Variants in ABLIM2 observed in about 807,000 individuals in gnomAD.
The protein encoded by ABLIM2 is actin-binding LIM protein 2.
In ABLIM2, 53 loss-of-function variants were observed where a neutral mutation model predicts 97.7. That is an observed-to-expected ratio of 0.54 (90% CI 0.44 to 0.68). ABLIM2 has a LOEUF of 0.68. ABLIM2 is among the 30% of genes least tolerant of loss of function. ABLIM2 has a pLI of 0.00. For synonymous variants in ABLIM2, 361 were observed against 345.8 expected (o/e 1.04, Z -0.49); for missense variants, 835 against 867.2 (o/e 0.96, Z 0.47).
At chr4:8,079,731 T>G (rs1437555199) in intron 5 of ABLIM2, among the ~76,000 whole-genome samples, 3 of 152,132 alleles carry the variant, frequency 2.0e-5, no homozygotes, top group African/African-American at 7.3e-5. Flanking sequence ...GTGTGACATG[T>G]GCTCGAATGT....
rs1349937290 is a variant in ABLIM2, at chr4:8,033,089, A to G, written c.1047+3060T>C. On this transcript the variant is annotated intron_variant, in intron 10 of 20. Coordinates refer to ENST00000447017, the MANE Select transcript of ABLIM2 (RefSeq NM_001130083.2). This position sits in a 1 kb window ranked among gnomAD's most constrained non-coding sequence, Gnocchi z 4.5. ...GAGAGAAAAGGTGCTCAGCAGAGAC[A>G]GAGGGTGACCAGAAGCCTTTGGGTT... Among the ~76,000 whole-genome samples, 1 of 152,228 alleles carries G rather than the reference A, an allele frequency of 6.6e-6. No individual in the cohort carries two copies. The highest frequency in any genetic ancestry group is 1.5e-5 in the Non-Finnish European group (1 of 68,036).
At chr4:8,139,110 T>A (rs568933652) in intron 1 of ABLIM2, among the ~76,000 whole-genome samples, 6 of 152,052 alleles carry the variant, frequency 3.9e-5, no homozygotes, top group African/African-American at 1.4e-4. Flanking sequence ...GGCAGGAGAA[T>A]TGCTTGAACC....
rs1441647315 is a variant in ABLIM2, at chr4:8,023,569, G to A, written c.1268-3266C>T. ...TGACCGGGTCATGCTCGTCAGCCATGGTGGCCTGCTCCACGGTGGACTTGC... is the reference window on the plus strand; with the variant it reads ...TGACCGGGTCATGCTCGTCAGCCATAGTGGCCTGCTCCACGGTGGACTTGC... On this transcript the variant is annotated intron_variant, in intron 12 of 20. Coordinates refer to ENST00000447017, the MANE Select transcript of ABLIM2 (RefSeq NM_001130083.2). This position sits in a 1 kb window ranked among gnomAD's most constrained non-coding sequence, Gnocchi z 5.7. 6.6e-6 allele frequency among the ~76,000 whole-genome samples: 1 copy of A among 152,178 alleles called. No individual in the cohort carries two copies. The highest frequency in any genetic ancestry group is 1.5e-5 in the Non-Finnish European group (1 of 68,034).
At chr4:8,131,759 CT>C (rs1230914683) in intron 1 of ABLIM2, among the ~76,000 whole-genome samples, 1,354 of 71,348 alleles carry the variant, frequency 0.019, no homozygotes, top group African/African-American at 0.024. Context: ...GCCCGCATCC[CT>C]GAGCACAGCA....
chr4:8,094,784 C>T (rs1049642804), intron 3 of ABLIM2, among the ~76,000 whole-genome samples: 2 of 152,196 alleles, frequency 1.3e-5, no homozygotes, highest in African/African-American at 4.8e-5. Context: ...GACTTTTCTT[C>T]TGGCTTTGGG....
At chr4:7,995,926 C>T (rs1375479484) in intron 16 of ABLIM2, among the ~76,000 whole-genome samples, 2 of 152,116 alleles carry the variant, frequency 1.3e-5, no homozygotes, top group African/African-American at 2.4e-5. Context: ...GGCCCCGAGA[C>T]GTGCAGGAAC....
rs71175445 is a variant in ABLIM2, at chr4:7,989,072, C to CTTTTTT, written c.1680+3788_1680+3793dup. 1.7e-3 allele frequency among the ~76,000 whole-genome samples: 139 copies of CTTTTTT among 81,338 alleles called. 1 individual carries two copies. Among genetic ancestry groups the CTTTTTT allele is most frequent in the Non-Finnish European group, 2.1e-3 (93 of 44,714 alleles). The allele number at this position is 81,338 out of a possible 152,430, so 53.4% of individuals were successfully genotyped here. ...TTTTTTGTTCACTAGACACATTAGT[C>CTTTTTT]TTTTTTTTTTTTTTTTTTTTTTTGA... On this transcript the variant is annotated intron_variant, in intron 17 of 20. Coordinates refer to ENST00000447017, the MANE Select transcript of ABLIM2 (RefSeq NM_001130083.2).
In ABLIM2 at chr4:8,033,749, CA is replaced by C. The variant is rs1782479880; in HGVS notation, c.1047+2399del. Among the ~76,000 whole-genome samples, 1 of 152,222 alleles carries C rather than the reference CA, an allele frequency of 6.6e-6. No individual in the cohort carries two copies. The highest frequency in any genetic ancestry group is 2.4e-5 in the African/African-American group (1 of 41,454). ...CATCCATGGTTCACAGATGTCCTGC[CA>C]TTTGAGAGGCGCAGCCCCAGAGAGG... is the stretch of plus-strand genomic sequence containing the variant. On this transcript the variant is annotated intron_variant, in intron 10 of 20. Coordinates refer to ENST00000447017, the MANE Select transcript of ABLIM2 (RefSeq NM_001130083.2). The surrounding 1 kb of genome is among the most constrained non-coding windows in gnomAD (Gnocchi z 4.5).
At chr4:8,036,846 AAC>A (rs1350376312) in intron 9 of ABLIM2, among the ~76,000 whole-genome samples, 2 of 151,298 alleles carry the variant, frequency 1.3e-5, no homozygotes, top group South Asian at 2.1e-4. Flanking sequence ...CACACATGCA[AAC>A]ACACACACTG....
Position 8,061,223 on chromosome 4 carries a change from G to C in ABLIM2, c.676-169C>G, listed in dbSNP as rs1055913179. The stretch of plus-strand genomic sequence containing the variant: ...GACCCCTGAGCAGAGCCCAGACCCG[G>C]GGGTGCCCCCGGGCTGTCCAAGGCG... On this transcript the variant is annotated intron_variant, in intron 6 of 20. Transcript: ENST00000447017. The surrounding 1 kb of genome is among the most constrained non-coding windows in gnomAD (Gnocchi z 4.5). Among the ~76,000 whole-genome samples the C allele has an allele frequency of 6.6e-6, 1 of 152,150 alleles. No individual in the cohort carries two copies. The highest frequency in any genetic ancestry group is 2.4e-5 in the African/African-American group (1 of 41,458).
rs113454873 is a variant in ABLIM2 at position 8,140,481 on chromosome 4, G to A, written c.10+18199C>T. ...CCACCTGGAGGCTTGGAAACCTGGC[G>A]GGGAGCATGGGGGAAAGGGGGCAGT... On this transcript the variant is annotated intron_variant, in intron 1 of 20. Coordinates refer to ENST00000447017, the MANE Select transcript of ABLIM2 (RefSeq NM_001130083.2). The surrounding 1 kb of genome is among the most constrained non-coding windows in gnomAD (Gnocchi z 5.9). Among the ~76,000 whole-genome samples the A allele has an allele frequency of 6.6e-6, 1 of 152,118 alleles. No homozygotes were observed. The highest frequency in any genetic ancestry group is 1.5e-5 in the Non-Finnish European group (1 of 68,034).
intron 6 of ABLIM2, among the ~76,000 whole-genome samples, chr4:8,077,116 T>G (rs540284540): frequency 6.6e-6 from 1 of 152,028 alleles, no homozygotes; most frequent in South Asian, 2.1e-4. Context: ...TTTATCTTAT[T>G]GAACAAAACG....
chr4:8,131,149 C>G (rs551910479), intron 1 of ABLIM2, among the ~76,000 whole-genome samples: 1 of 152,178 alleles, frequency 6.6e-6, no homozygotes, highest in Non-Finnish European at 1.5e-5. Flanking sequence ...TGTAAAGACC[C>G]TTTTTCCACA....
chr4:8,054,677 G>A lies in ABLIM2; in HGVS notation c.764-431C>T, dbSNP rs1251260572. ...GCTGGGCCCACCTGCAGAGACAGCT[G>A]GTGCTGCAACCTGGGTGGGAGCCAG... On this transcript the variant is annotated intron_variant, in intron 7 of 20. Transcript: ENST00000447017. This position sits in a 1 kb window ranked among gnomAD's most constrained non-coding sequence, Gnocchi z 4.9. Among the ~76,000 whole-genome samples the A allele has an allele frequency of 6.6e-6, 1 of 152,246 alleles. No homozygotes were observed. The highest frequency in any genetic ancestry group is 2.4e-5 in the African/African-American group (1 of 41,466).
chr4:8,143,939 C>T (rs1023124130), intron 1 of ABLIM2, among the ~76,000 whole-genome samples: 32 of 152,096 alleles, frequency 2.1e-4, no homozygotes, highest in Admixed American at 1.7e-3. Context: ...CCTCGGGGAG[C>T]GGCAGGTCCT....
chr4:8,026,247 CT>C (rs1236619391), intron 12 of ABLIM2, among the ~76,000 whole-genome samples: 2 of 152,248 alleles, frequency 1.3e-5, no homozygotes, highest in African/African-American at 4.8e-5. Flanking sequence ...AGTGATTCTC[CT>C]GCTTGGGCCT....
At chr4:8,020,510 A>G in intron 12 of ABLIM2, 1 of 655,736 alleles carries the variant, frequency 1.5e-6, no homozygotes, top group Non-Finnish European at 2.8e-6. Flanking sequence ...CCCTGAGTTG[A>G]AGTCTGTCCA....
chr4:8,096,262 G>C (rs1461397715), intron 3 of ABLIM2, among the ~76,000 whole-genome samples: 1 of 152,176 alleles, frequency 6.6e-6, no homozygotes, highest in Non-Finnish European at 1.5e-5. Flanking sequence ...ATGGTGGCTG[G>C]ACAAGTCCAG....
intron 1 of ABLIM2, among the ~76,000 whole-genome samples, chr4:8,129,214 C>T (rs900092009): frequency 6.6e-6 from 1 of 152,164 alleles, no homozygotes; most frequent in African/African-American, 2.4e-5. Flanking sequence ...TCAGAGGAAA[C>T]ACTCTCAATG....
Sources: gnomAD v4.1 joint callset for allele counts (sites outside exome capture counted in the v4.1 genomes callset) on GRCh38, gnomAD v4.1.1 for gene constraint, Gnocchi (gnomAD v3.1) non-coding constraint, MANE v1.5 for transcripts, NCBI Gene and HGNC (gene_info 2026-07-23, HGNC 2026-07-21) for gene names.